Variants in MAGI2 observed in about 807,000 individuals in gnomAD.
The protein encoded by MAGI2 is membrane associated guanylate kinase, WW and PDZ domain containing 2.
A neutral mutation model predicts 133.3 loss-of-function variants in MAGI2; 35 were observed. The ratio of observed to expected loss-of-function variants is 0.26; its 90% CI spans 0.20 to 0.35. The LOEUF (loss-of-function observed/expected upper bound fraction) is 0.35, where lower values mean the gene tolerates loss of function less well. Among genes scored for constraint, MAGI2 ranks in the 10% least tolerant of loss-of-function variants. The probability of loss-of-function intolerance (pLI) is 1.00; values close to 1 mark genes in which losing one functional copy is unlikely to be tolerated. For missense variants in MAGI2, 1,636 were observed against 1,863.4 expected, an observed-to-expected ratio of 0.88 and a Z score of 2.25; for synonymous variants, 729 against 710.6, an observed-to-expected ratio of 1.03 and a Z score of -0.41.
intron 2 of MAGI2, among the ~76,000 whole-genome samples, chr7:78,641,955 G>A (rs1275007814): frequency 6.6e-6 from 1 of 152,260 alleles, no homozygotes; most frequent in South Asian, 2.1e-4. Context: ...TGAGGGCATT[G>A]CATCTTTTAG....
chr7:78,078,994 C>T lies in MAGI2; in HGVS notation c.3659G>A (p.Arg1220Gln), dbSNP rs371164000. The T allele has an allele frequency of 1.1e-5, 17 of 1,613,784 alleles. No individual in the cohort carries two copies. The highest frequency in any genetic ancestry group is 1.6e-4 in the Middle Eastern group (1 of 6,084). Reference protein sequence around the residue: ...AIELIKSGGRRVRLLLKRGTG... With the variant: ...AIELIKSGGRQVRLLLKRGTG... Reference sequence around the variant, plus strand: ...GCCTCTCTTGAGCAGCAGCCTCACTCGTCTTCCTCCAGATTTGATGAGTTC... The same window carrying T: ...GCCTCTCTTGAGCAGCAGCCTCACTTGTCTTCCTCCAGATTTGATGAGTTC... The change falls in exon 21 of 22, where the codon CGA (arginine) becomes CAA (glutamine). Residue 1220 changes from arginine (R) to glutamine (Q), a missense_variant. Arg to Gln is a conservative substitution (Grantham distance 43). Around this residue, in one of 5 missense-constraint regions of MAGI2, gnomAD observed 49 missense variants for 103.8 expected, o/e 0.47. Coordinates refer to ENST00000354212, the MANE Select transcript of MAGI2 (RefSeq NM_012301.4).
At chr7:79,324,830 T>G (rs781155358) in intron 1 of MAGI2, among the ~76,000 whole-genome samples, 61 of 149,116 alleles carry the variant, frequency 4.1e-4, no homozygotes, top group Middle Eastern at 3.2e-3. Flanking sequence ...CATCTTCAGG[T>G]TACAAGTCTA....
chr7:78,125,603 C>T, intron 20 of MAGI2, 91 bp downstream of exon 20: 1 of 1,397,620 alleles, frequency 7.2e-7, no homozygotes. Flanking sequence ...TACAGCAACC[C>T]CGCTTGACAG....
At chr7:78,837,012 C>T (rs1044058234) in intron 2 of MAGI2, among the ~76,000 whole-genome samples, 1 of 152,066 alleles carries the variant, frequency 6.6e-6, no homozygotes, top group African/African-American at 2.4e-5. Context: ...TATCATAGAC[C>T]TTCACATAAA....
At chr7:78,221,818 C>A (rs1158199045) in intron 10 of MAGI2, among the ~76,000 whole-genome samples, 1 of 151,502 alleles carries the variant, frequency 6.6e-6, no homozygotes, top group Non-Finnish European at 1.5e-5. Context: ...CTAGGCAACA[C>A]AAGGAGACCT....
rs563876144 is a variant in MAGI2 at position 78,020,800 on chromosome 7, C to T, written c.3707-824G>A. ...GTCAGTTTCAGAATTTGGATAAATA[C>T]ATTTTAAAACTATCATTTTTTAAAA... On this transcript the variant is annotated intron_variant, in intron 21 of 21. Coordinates refer to ENST00000354212, the MANE Select transcript of MAGI2 (RefSeq NM_012301.4). Among the ~76,000 whole-genome samples, 10 of 144,458 alleles carry T rather than the reference C, an allele frequency of 6.9e-5. No homozygotes were observed. The East Asian group carries it at 1.6e-3, about 23-fold the overall frequency. 94.8% of individuals were successfully genotyped at this position (144,458 alleles called of 152,430 possible). A position where few individuals can be genotyped will look rare whatever the true frequency, so the allele number is the denominator to read the frequency against.
chr7:78,755,182 C>A (rs191987382), intron 2 of MAGI2, among the ~76,000 whole-genome samples: 42 of 152,254 alleles, frequency 2.8e-4, no homozygotes, highest in African/African-American at 9.4e-4. Flanking sequence ...ACGGGAGAGA[C>A]ACTAAATGAT....
intron 1 of MAGI2, among the ~76,000 whole-genome samples, chr7:79,409,500 C>T (rs1468057119): frequency 4.0e-5 from 6 of 151,512 alleles, no homozygotes; most frequent in Admixed American, 6.6e-5. Flanking sequence ...CTTCTCATTA[C>T]ATTAAAGTGA....
intron 1 of MAGI2, among the ~76,000 whole-genome samples, chr7:79,409,574 G>A (rs983026987): frequency 9.9e-5 from 15 of 151,470 alleles, no homozygotes; most frequent in East Asian, 9.7e-4. Context: ...ATTGCTATAC[G>A]TACATGAGCT....
At chr7:78,986,878 C>T (rs1298613039) in intron 2 of MAGI2, among the ~76,000 whole-genome samples, 2 of 151,936 alleles carry the variant, frequency 1.3e-5, no homozygotes, top group East Asian at 3.9e-4. Flanking sequence ...CTCTCTTATA[C>T]CATTTTCTGC....
chr7:78,916,577 G>C (rs1798812650), intron 2 of MAGI2, among the ~76,000 whole-genome samples: 1 of 152,044 alleles, frequency 6.6e-6, no homozygotes, highest in South Asian at 2.1e-4. Flanking sequence ...CGCAGAGGAG[G>C]GGATGCACAA....
chr7:78,429,391 G>A (rs1479208780), intron 6 of MAGI2, among the ~76,000 whole-genome samples: 1 of 115,600 alleles, frequency 8.7e-6, no homozygotes, highest in Non-Finnish European at 1.9e-5. Flanking sequence ...GGCTGAGGAG[G>A]GCTTACAGGC....
chr7:78,878,768 G>A (rs868830186), intron 2 of MAGI2, among the ~76,000 whole-genome samples: 76 of 152,274 alleles, frequency 5.0e-4, no homozygotes, highest in African/African-American at 1.6e-3. Context: ...TGGTGCAGTG[G>A]GGCCTTCTCC....
chr7:79,312,565 T>G (rs1314927172), intron 1 of MAGI2, among the ~76,000 whole-genome samples: 3 of 152,214 alleles, frequency 2.0e-5, no homozygotes, highest in Admixed American at 2.0e-4. Context: ...TTTTTTGGCT[T>G]TGAATTCATA....
intron 4 of MAGI2, among the ~76,000 whole-genome samples, chr7:78,516,988 G>A (rs1796094443): frequency 6.6e-6 from 1 of 152,196 alleles, no homozygotes; most frequent in Admixed American, 6.5e-5. Context: ...AGTGAAATGT[G>A]TTGCATTTAA....
At chr7:79,367,038 A>G (rs76228485) in intron 1 of MAGI2, among the ~76,000 whole-genome samples, 1 of 152,336 alleles carries the variant, frequency 6.6e-6, no homozygotes, top group African/African-American at 2.4e-5. Flanking sequence ...TTGACTTTGA[A>G]CATAGACTGC....
At chr7:79,415,380 A>T (rs1846427484) in intron 1 of MAGI2, 1 of 152,190 alleles carries the variant, frequency 6.6e-6, no homozygotes, top group African/African-American at 2.4e-5. Context: ...ACCGGTCTAT[A>T]TTGGGAATGG....
intron 18 of MAGI2, 69 bp downstream of exon 18, chr7:78,132,820 T>C: frequency 1.2e-6 from 2 of 1,609,100 alleles, no homozygotes; most frequent in Non-Finnish European, 1.7e-6. Context: ...TCCTGTGCTG[T>C]CCCCAAATAC....
At chr7:78,564,783 CTTTTTTTTTTTTTTTT>C (rs35069216) in intron 3 of MAGI2, among the ~76,000 whole-genome samples, 57 of 64,364 alleles carry the variant, frequency 8.9e-4, no homozygotes, top group South Asian at 8.1e-4. Flanking sequence ...CTTTGACATT[CTTTTTTTTTTTTTTTT>C]TTTTTTTTTT....
Sources: allele counts gnomAD v4.1 joint callset (sites outside exome capture counted in the v4.1 genomes callset), GRCh38; gene constraint gnomAD v4.1.1; regional missense constraint gnomAD v4.1.1; transcripts MANE v1.5; gene names NCBI Gene and HGNC (gene_info 2026-07-23, HGNC 2026-07-21).